The following CDH12 variants were observed in gnomAD, a reference collection of about 807,000 sequenced individuals.
CDH12 encodes the protein cadherin-12.
In CDH12, 41 loss-of-function variants were observed where a neutral mutation model predicts 74.1. The ratio of observed to expected loss-of-function variants is 0.55; its 90% CI spans 0.43 to 0.72. The LOEUF (loss-of-function observed/expected upper bound fraction) is 0.72. Among genes scored for constraint, CDH12 ranks in the 30% least tolerant of loss-of-function variants. The pLI, the probability that CDH12 is intolerant of heterozygous loss-of-function variation, is 0.00. For synonymous variants in CDH12, 399 were observed against 355.0 expected (o/e 1.12, Z -1.39); for missense variants, 945 against 977.2 (o/e 0.97, Z 0.44).
chr5:22,183,591 A>C (rs1349136206), intron 4 of CDH12, among the ~76,000 whole-genome samples: 2 of 152,190 alleles, frequency 1.3e-5, no homozygotes, highest in Non-Finnish European at 2.9e-5. Context: ...TAATGAAACC[A>C]AAAATTTTAC....
intron 7 of CDH12, among the ~76,000 whole-genome samples, chr5:21,851,978 A>G (rs1200470518): frequency 6.6e-6 from 1 of 151,422 alleles, no homozygotes; most frequent in Non-Finnish European, 1.5e-5. Flanking sequence ...CAAATGTGGA[A>G]AATTTCAGAT....
In CDH12 at chr5:22,457,737, C is replaced by G. The variant is rs916441344; in HGVS notation, c.-428+47533G>C. Among the ~76,000 whole-genome samples, 60 of 150,488 alleles carry G rather than the reference C, an allele frequency of 4.0e-4. 1 individual carries two copies. The highest frequency in any genetic ancestry group is 4.0e-3 in the Admixed American group (60 of 15,058). ...TGGATTACAGGCACCTGCTAACATG[C>G]CCAACTAATTTTTTTATTTTTTTTT... On this transcript the variant is annotated intron_variant, in intron 2 of 14. Transcript: ENST00000382254.
intron 3 of CDH12, among the ~76,000 whole-genome samples, chr5:22,230,976 A>G (rs1391491679): frequency 6.6e-6 from 1 of 152,224 alleles, no homozygotes; most frequent in African/African-American, 2.4e-5. Flanking sequence ...TACCGTTTTC[A>G]AATCACAATG....
chr5:22,557,828 T>G (rs1738868495), intron 1 of CDH12, among the ~76,000 whole-genome samples: 1 of 152,110 alleles, frequency 6.6e-6, no homozygotes. Flanking sequence ...ATTAAGTAAT[T>G]ATTCTCAATC....
chr5:22,160,624 G>C (rs1748286625), intron 4 of CDH12, among the ~76,000 whole-genome samples: 1 of 152,126 alleles, frequency 6.6e-6, no homozygotes, highest in Non-Finnish European at 1.5e-5. Flanking sequence ...AGTTCTAGAG[G>C]CTAGTTTAAG....
At chr5:22,529,431 T>C (rs141119962) in intron 1 of CDH12, among the ~76,000 whole-genome samples, 96 of 151,994 alleles carry the variant, frequency 6.3e-4, no homozygotes, top group African/African-American at 2.3e-3. Context: ...AGAGCTAATG[T>C]TCCCATTTAA....
At chr5:21,800,765 G>A (rs1255226396) in intron 10 of CDH12, among the ~76,000 whole-genome samples, 14 of 152,136 alleles carry the variant, frequency 9.2e-5, no homozygotes, top group Non-Finnish European at 1.3e-4. Flanking sequence ...CATGGGAGTG[G>A]GGGTGGTTCC....
At chr5:21,809,486 G>A (rs1469272400) in intron 9 of CDH12, among the ~76,000 whole-genome samples, 3 of 152,110 alleles carry the variant, frequency 2.0e-5, no homozygotes, top group African/African-American at 7.2e-5. Context: ...CACAACAATT[G>A]GAAGTATACT....
At chr5:22,486,253 A>G (rs1746588934) in intron 2 of CDH12, among the ~76,000 whole-genome samples, 1 of 152,166 alleles carries the variant, frequency 6.6e-6, no homozygotes, top group Non-Finnish European at 1.5e-5. Context: ...ATCATACACT[A>G]GGTCCTTCAG....
At chr5:22,103,923 A>G (rs1267056316) in intron 4 of CDH12, among the ~76,000 whole-genome samples, 1 of 152,204 alleles carries the variant, frequency 6.6e-6, no homozygotes, top group African/African-American at 2.4e-5. Context: ...GGCAATAAAC[A>G]TAAATTTGTC....
intron 1 of CDH12, among the ~76,000 whole-genome samples, chr5:22,733,939 T>G (rs982666295): frequency 6.6e-6 from 1 of 151,790 alleles, no homozygotes; most frequent in African/African-American, 2.4e-5. Flanking sequence ...ACTGGGGAAG[T>G]GTTGGGACAG....
chr5:22,466,748 GA>G (rs971975801), intron 2 of CDH12, among the ~76,000 whole-genome samples: 10 of 143,342 alleles, frequency 7.0e-5, no homozygotes, highest in African/African-American at 1.8e-4. Context: ...TTCTGAGTGG[GA>G]AAAATGAGGC....
chr5:22,751,002 T>C (rs1028515197), intron 1 of CDH12, among the ~76,000 whole-genome samples: 11 of 151,414 alleles, frequency 7.3e-5, no homozygotes, highest in Non-Finnish European at 1.5e-5. Flanking sequence ...AAGTAAGAAT[T>C]TAAAATAAAT....
chr5:22,796,318 G>A (rs907100428), intron 1 of CDH12, among the ~76,000 whole-genome samples: 1 of 151,946 alleles, frequency 6.6e-6, no homozygotes, highest in Non-Finnish European at 1.5e-5. Flanking sequence ...AACAGTGCAT[G>A]AATTTTGTTT....
At chr5:22,119,860 G>A (rs1324532272) in intron 4 of CDH12, among the ~76,000 whole-genome samples, 3 of 152,114 alleles carry the variant, frequency 2.0e-5, no homozygotes, top group South Asian at 2.1e-4. Flanking sequence ...TTGGAGATAA[G>A]TGATTTCCAT....
At chr5:22,585,868 A>G (rs1458815866) in intron 1 of CDH12, among the ~76,000 whole-genome samples, 1 of 152,172 alleles carries the variant, frequency 6.6e-6, no homozygotes, top group Non-Finnish European at 1.5e-5. Flanking sequence ...ACTTGGCAAT[A>G]GGAACAATTT....
intron 4 of CDH12, among the ~76,000 whole-genome samples, chr5:22,191,188 T>G (rs1403829787): frequency 6.6e-6 from 1 of 152,022 alleles, no homozygotes; most frequent in Non-Finnish European, 1.5e-5. Context: ...TTCTTCCCTC[T>G]TCATCTAGTA....
chr5:22,774,614 C>A (rs1210131710), intron 1 of CDH12, among the ~76,000 whole-genome samples: 1 of 152,122 alleles, frequency 6.6e-6, no homozygotes, highest in Non-Finnish European at 1.5e-5. Context: ...CCTGAACAAT[C>A]GCTCTCTATT....
At chr5:22,322,496 G>A (rs1738927589) in intron 3 of CDH12, among the ~76,000 whole-genome samples, 1 of 152,008 alleles carries the variant, frequency 6.6e-6, no homozygotes, top group Admixed American at 6.6e-5. Flanking sequence ...TGGCTTCAGT[G>A]CCAAATACCC....
Sources: gnomAD v4.1 joint callset for allele counts (sites outside exome capture counted in the v4.1 genomes callset) on GRCh38, gnomAD v4.1.1 for gene constraint, MANE v1.5 for transcripts, NCBI Gene and HGNC (gene_info 2026-07-23, HGNC 2026-07-21) for gene names.